The following DLG2 variants were observed in gnomAD, a reference collection of about 807,000 sequenced individuals.
DLG2 encodes discs large MAGUK scaffold protein 2, also known as disks large homolog 2.
In DLG2, 45 loss-of-function variants were observed where a neutral mutation model predicts 132.5. The observed-to-expected ratio is 0.34, with a 90% CI of 0.27 to 0.44. The LOEUF is 0.44. Ranked by LOEUF, DLG2 falls within the 20% of genes least tolerant of loss-of-function variation. The pLI is 1.00. For missense variants in DLG2, 1,045 were observed against 1,196.9 expected (o/e 0.87, Z 1.87); for synonymous variants, 424 against 419.6 (o/e 1.01, Z -0.13).
intron 18 of DLG2, among the ~76,000 whole-genome samples, chr11:83,760,138 A>G (rs1394231912): frequency 6.6e-6 from 1 of 152,188 alleles, no homozygotes; most frequent in East Asian, 1.9e-4. Flanking sequence ...GCTGAGCAAT[A>G]TCCTCAGACT....
At chr11:85,155,263 C>A (rs948148106) in intron 4 of DLG2, among the ~76,000 whole-genome samples, 1 of 152,118 alleles carries the variant, frequency 6.6e-6, no homozygotes, top group African/African-American at 2.4e-5. Context: ...AAAATTGGGG[C>A]TTGAGAAATT....
intron 11 of DLG2, among the ~76,000 whole-genome samples, chr11:84,029,098 T>C (rs749142590): frequency 6.6e-6 from 1 of 152,104 alleles, no homozygotes; most frequent in Non-Finnish European, 1.5e-5. Context: ...ATTACTGCAG[T>C]ATATTAGCAA....
chr11:84,976,723 C>A (rs1038834993), intron 6 of DLG2, among the ~76,000 whole-genome samples: 26 of 152,060 alleles, frequency 1.7e-4, no homozygotes, highest in African/African-American at 5.1e-4. Context: ...TACTCCTGAC[C>A]TTTTAAGATA....
intron 7 of DLG2, among the ~76,000 whole-genome samples, chr11:84,424,358 T>A (rs2098960000): frequency 6.6e-6 from 1 of 152,092 alleles, no homozygotes; most frequent in Admixed American, 6.5e-5. Flanking sequence ...GAGAATGACA[T>A]GAAATAGTTG....
intron 10 of DLG2, among the ~76,000 whole-genome samples, chr11:84,073,445 G>A (rs1035403742): frequency 4.0e-5 from 6 of 151,868 alleles, no homozygotes; most frequent in South Asian, 2.1e-4. Context: ...TATGTAATCC[G>A]CACATACATA....
chr11:84,858,145 A>T (rs2083046369), intron 6 of DLG2, among the ~76,000 whole-genome samples: 1 of 152,028 alleles, frequency 6.6e-6, no homozygotes, highest in Non-Finnish European at 1.5e-5. Flanking sequence ...TGCCTGCCTC[A>T]GCCTCCTAAA....
intron 3 of DLG2, among the ~76,000 whole-genome samples, chr11:85,370,954 C>A (rs1315231553): frequency 2.6e-5 from 4 of 152,168 alleles, no homozygotes; most frequent in Non-Finnish European, 1.5e-5. Context: ...CCAATCACAA[C>A]TAACATTGTT....
At chr11:83,901,407 C>A (rs1006512634) in intron 15 of DLG2, among the ~76,000 whole-genome samples, 1 of 152,148 alleles carries the variant, frequency 6.6e-6, no homozygotes, top group East Asian at 1.9e-4. Context: ...AGAATTCCCA[C>A]ATGTTGTGGG....
intron 21 of DLG2, among the ~76,000 whole-genome samples, chr11:83,490,972 G>A (rs1257940856): frequency 1.3e-5 from 2 of 151,762 alleles, no homozygotes; most frequent in Non-Finnish European, 2.9e-5. Flanking sequence ...TTAGTAACAG[G>A]TAAAATATAT....
chr11:84,899,682 G>A (rs1007643244), intron 6 of DLG2, among the ~76,000 whole-genome samples: 27 of 152,016 alleles, frequency 1.8e-4, no homozygotes, highest in Non-Finnish European at 3.5e-4. Flanking sequence ...CCCTAGAAAT[G>A]GCAGTGAGCA....
At chr11:84,200,757 T>G (rs7114057) in intron 8 of DLG2, among the ~76,000 whole-genome samples, 8,311 of 152,184 alleles carry the variant, frequency 0.055, 700 homozygotes, top group African/African-American at 0.19. Context: ...TTGCCTGTTG[T>G]CGGTTTAAAG....
chr11:84,098,872 T>G, intron 10 of DLG2, 51 bp downstream of exon 10: 1 of 1,591,084 alleles, frequency 6.3e-7, no homozygotes, highest in Non-Finnish European at 8.6e-7. Flanking sequence ...ATGTGTCTCA[T>G]TGATGCAGCA....
intron 11 of DLG2, among the ~76,000 whole-genome samples, chr11:83,999,438 A>G (rs2094219944): frequency 6.6e-6 from 1 of 152,034 alleles, no homozygotes; most frequent in Non-Finnish European, 1.5e-5. Context: ...TTGTCCTACC[A>G]CTATCACTGC....
At chr11:84,267,234 GATT>G (rs1044385452) in intron 7 of DLG2, among the ~76,000 whole-genome samples, 5 of 30,354 alleles carry the variant, frequency 1.6e-4, no homozygotes, top group Non-Finnish European at 5.1e-4. Context: ...CAAAAGTATA[GATT>G]AAAGTAGTTG....
chr11:84,106,817 G>C (rs1428321537), intron 9 of DLG2, among the ~76,000 whole-genome samples: 12 of 109,508 alleles, frequency 1.1e-4, no homozygotes, highest in African/African-American at 5.5e-4. Flanking sequence ...TATTATCTGT[G>C]TGTGTGTGTG....
At chr11:84,085,043 A>G (rs938146116) in intron 10 of DLG2, among the ~76,000 whole-genome samples, 1 of 152,128 alleles carries the variant, frequency 6.6e-6, no homozygotes, top group African/African-American at 2.4e-5. Flanking sequence ...CCCAGCTTTG[A>G]TTTTCTGTGA....
chr11:84,032,287 A>T (rs1259752938), intron 11 of DLG2, among the ~76,000 whole-genome samples: 4 of 152,204 alleles, frequency 2.6e-5, no homozygotes, highest in Non-Finnish European at 5.9e-5. Context: ...AGTTGTAAAT[A>T]CAAAGGAAGA....
intron 4 of DLG2, among the ~76,000 whole-genome samples, chr11:85,239,474 AATTTT>A (rs999526949): frequency 6.6e-6 from 1 of 151,936 alleles, no homozygotes; most frequent in African/African-American, 2.4e-5. Context: ...ACTTCCTCCT[AATTTT>A]ATCAGTATTT....
intron 19 of DLG2, among the ~76,000 whole-genome samples, chr11:83,622,881 G>A (rs548806216): frequency 1.3e-5 from 2 of 152,284 alleles, no homozygotes; most frequent in South Asian, 4.1e-4. Context: ...TGTATATCCT[G>A]TGTTTGATGG....
Sources: allele counts gnomAD v4.1 joint callset (sites outside exome capture counted in the v4.1 genomes callset), GRCh38; gene constraint gnomAD v4.1.1; transcripts MANE v1.5; gene names NCBI Gene and HGNC (gene_info 2026-07-23, HGNC 2026-07-21).